The following INTS15 variants were observed in gnomAD, a reference collection of about 807,000 sequenced individuals.
The protein encoded by INTS15 is uncharacterized protein C7orf26.
chr7:6,601,147 T>C, the INTS15 span, among the ~76,000 whole-genome samples: 9 of 152,054 alleles, frequency 5.9e-5, no homozygotes, highest in African/African-American at 1.7e-4. Context: ...TTTAAAAAGA[T>C]TTTTGTAGAG....
chr7:6,603,106 C>T, the INTS15 span, among the ~76,000 whole-genome samples: 7 of 148,952 alleles, frequency 4.7e-5, no homozygotes, highest in African/African-American at 1.5e-4. Flanking sequence ...AAAAATTAGC[C>T]GGGCGTGGTG....
the INTS15 span, among the ~76,000 whole-genome samples, chr7:6,598,197 G>A: frequency 3.9e-5 from 6 of 152,190 alleles, no homozygotes; most frequent in East Asian, 9.7e-4. Context: ...TGGCCGGGAC[G>A]GGTGGCTCAC....
the INTS15 span, chr7:6,602,156 A>G: frequency 6.2e-7 from 1 of 1,608,086 alleles, no homozygotes; most frequent in East Asian, 2.2e-5. Flanking sequence ...TATCCTCAGG[A>G]CTCCTAGCTG....
the INTS15 span, chr7:6,602,242 C>G: frequency 1.1e-6 from 1 of 885,864 alleles, no homozygotes. Flanking sequence ...TGGGGAGAGC[C>G]CAGTAAGCAC....
At chr7:6,602,149 C>T in the INTS15 span, 9 of 1,611,336 alleles carry the variant, frequency 5.6e-6, no homozygotes, top group Middle Eastern at 1.7e-4. Context: ...AAGTAAGTAT[C>T]CTCAGGACTC....
the INTS15 span, chr7:6,600,032 T>A: frequency 2.5e-6 from 4 of 1,614,104 alleles, no homozygotes; most frequent in Non-Finnish European, 2.5e-6. Context: ...GAAGCCCCCC[T>A]TATCCAATGG....
At chr7:6,607,773 C>T in the INTS15 span, 8 of 1,483,336 alleles carry the variant, frequency 5.4e-6, no homozygotes, top group Non-Finnish European at 7.1e-6. This position sits in a 1 kb window ranked among gnomAD's most constrained non-coding sequence, Gnocchi z 6.0. Context: ...CACTCCCACG[C>T]ATCCTCGCCT....
At chr7:6,598,551 G>A in the INTS15 span, among the ~76,000 whole-genome samples, 3 of 151,960 alleles carry the variant, frequency 2.0e-5, no homozygotes, top group East Asian at 5.8e-4. Context: ...GGGCAGGGCG[G>A]TTCATACTCC....
the INTS15 span, among the ~76,000 whole-genome samples, chr7:6,601,243 A>C: frequency 6.6e-6 from 1 of 151,360 alleles, no homozygotes; most frequent in African/African-American, 2.4e-5. Flanking sequence ...AAGTGCTAGG[A>C]TTACCACTCT....
chr7:6,608,480 C>T, the INTS15 span: 16 of 1,238,300 alleles, frequency 1.3e-5, no homozygotes, highest in South Asian at 2.2e-4. Flanking sequence ...ACGGCAGGAG[C>T]CACGGGTGCA....
the INTS15 span, chr7:6,607,988 G>A: frequency 1.9e-6 from 3 of 1,600,166 alleles, no homozygotes; most frequent in African/African-American, 2.7e-5. The surrounding 1 kb of genome is among the most constrained non-coding windows in gnomAD (Gnocchi z 6.0). Context: ...CTCGGGTCCC[G>A]TGCAGCAGTC....
the INTS15 span, chr7:6,600,109 C>T: frequency 3.7e-6 from 6 of 1,614,094 alleles, no homozygotes; most frequent in African/African-American, 4.0e-5. Context: ...ACCTCTTGTA[C>T]TCAAAACTCC....
At chr7:6,607,957 C>T in the INTS15 span, 1 of 1,599,256 alleles carries the variant, frequency 6.3e-7, no homozygotes, top group Non-Finnish European at 8.5e-7. The surrounding 1 kb of genome is among the most constrained non-coding windows in gnomAD (Gnocchi z 6.0). Context: ...CTTGTGTTCG[C>T]AGCCTCCTCC....
chr7:6,600,265 C>T, the INTS15 span: 2 of 1,614,224 alleles, frequency 1.2e-6, no homozygotes, highest in East Asian at 4.5e-5. Context: ...TGAACCCCCT[C>T]AACGCCTCCC....
chr7:6,599,787 C>T, the INTS15 span: 3,757 of 1,583,458 alleles, frequency 2.4e-3, 2 homozygotes, highest in Non-Finnish European at 2.9e-3. Flanking sequence ...CCCCTGTCCT[C>T]GAGGCCAAGA....
the INTS15 span, among the ~76,000 whole-genome samples, chr7:6,592,306 C>T: frequency 1.3e-5 from 2 of 152,064 alleles, no homozygotes; most frequent in East Asian, 3.9e-4. Flanking sequence ...TGGTTCACTC[C>T]TGTAATCCCA....
chr7:6,598,735 TTGTG>T, the INTS15 span, among the ~76,000 whole-genome samples: 687 of 83,596 alleles, frequency 8.2e-3, 10 homozygotes, highest in East Asian at 0.051. Flanking sequence ...GCTGTATGCT[TTGTG>T]TGTGTGTGTG....
At chr7:6,591,805 G>A in the INTS15 span, 4 of 1,614,132 alleles carry the variant, frequency 2.5e-6, no homozygotes, top group East Asian at 2.2e-5. Context: ...GGGAAAACTG[G>A]TCTCCATGGC....
At chr7:6,607,868 G>A in the INTS15 span, 26 of 1,551,524 alleles carry the variant, frequency 1.7e-5, no homozygotes, top group Non-Finnish European at 2.2e-5. The surrounding 1 kb of genome is among the most constrained non-coding windows in gnomAD (Gnocchi z 6.0). Flanking sequence ...GCCTCTCCTG[G>A]GCGGGGTGCG....
Sources: gnomAD v4.1 joint callset for allele counts (sites outside exome capture counted in the v4.1 genomes callset) on GRCh38, gnomAD v4.1.1 for gene constraint, Gnocchi (gnomAD v3.1) non-coding constraint, MANE v1.5 for transcripts, NCBI Gene and HGNC (gene_info 2026-07-23, HGNC 2026-07-21) for gene names.